The following IGSF11 variants were observed in gnomAD, a reference collection of about 807,000 sequenced individuals.
IGSF11 encodes the protein CXADR like 1.
A neutral mutation model predicts 41.0 loss-of-function variants in IGSF11; 22 were observed. The ratio of observed to expected loss-of-function variants is 0.54; its 90% confidence interval spans 0.38 to 0.77. The LOEUF is 0.77. Ranked by LOEUF, IGSF11 falls within the 30% of genes least tolerant of loss-of-function variation. The pLI, the probability that IGSF11 is intolerant of heterozygous loss-of-function variation, is 0.00. For synonymous variants in IGSF11, 219 were observed against 201.3 expected (o/e 1.09, Z -0.74); for missense variants, 444 against 530.8 (o/e 0.84, Z 1.61).
chr3:119,058,359 A>T (rs1208702764), intron 1 of IGSF11, among the ~76,000 whole-genome samples: 3 of 152,274 alleles, frequency 2.0e-5, no homozygotes, highest in African/African-American at 7.2e-5. Context: ...TGCAGCCAAA[A>T]GACACATGAA....
chr3:119,098,373 C>T (rs1278043075), intron 1 of IGSF11, among the ~76,000 whole-genome samples: 4 of 152,098 alleles, frequency 2.6e-5, no homozygotes, highest in African/African-American at 4.8e-5. Context: ...AAGCATTCAA[C>T]GCATGCTATG....
At chr3:119,136,844 A>C (rs774165911) in intron 1 of IGSF11, among the ~76,000 whole-genome samples, 2 of 152,044 alleles carry the variant, frequency 1.3e-5, no homozygotes, top group African/African-American at 2.4e-5. Context: ...GGACTCCACA[A>C]AAAAAAACTA....
intron 1 of IGSF11, 40 bp downstream of exon 1, chr3:119,034,491 G>A (rs1399311050): frequency 1.3e-6 from 2 of 1,512,260 alleles, no homozygotes; most frequent in East Asian, 2.6e-5. Flanking sequence ...CCGCCGACCC[G>A]GCCTGGCCCC....
At chr3:119,093,498 C>T (rs778760206) in intron 1 of IGSF11, among the ~76,000 whole-genome samples, 3 of 152,092 alleles carry the variant, frequency 2.0e-5, no homozygotes, top group African/African-American at 4.8e-5. Context: ...TACCCAGCCA[C>T]ATTTTAGGAC....
intron 1 of IGSF11, among the ~76,000 whole-genome samples, chr3:119,024,616 C>T (rs547456454): frequency 6.6e-6 from 1 of 152,250 alleles, no homozygotes; most frequent in East Asian, 1.9e-4. Context: ...TGTGCCCTAA[C>T]CATACTCCTC....
At chr3:118,913,715 T>C (rs1043844267) in intron 4 of IGSF11, among the ~76,000 whole-genome samples, 1 of 151,786 alleles carries the variant, frequency 6.6e-6, no homozygotes, top group Non-Finnish European at 1.5e-5. Context: ...AAAGAAGCAA[T>C]GGAGCAAAAA....
At chr3:118,966,882 C>A (rs1945721121) in intron 1 of IGSF11, among the ~76,000 whole-genome samples, 1 of 152,116 alleles carries the variant, frequency 6.6e-6, no homozygotes, top group Non-Finnish European at 1.5e-5. Flanking sequence ...CCCAGGACAT[C>A]TTTGGAATGC....
At chr3:118,922,920 A>T (rs953979699) in intron 4 of IGSF11, among the ~76,000 whole-genome samples, 2 of 152,076 alleles carry the variant, frequency 1.3e-5, no homozygotes, top group African/African-American at 4.8e-5. Flanking sequence ...ATAACTATAG[A>T]ACATGCTGGG....
chr3:118,914,195 G>C (rs964200666), intron 4 of IGSF11, among the ~76,000 whole-genome samples: 2 of 152,176 alleles, frequency 1.3e-5, no homozygotes, highest in African/African-American at 4.8e-5. Flanking sequence ...ATCAGTAGAA[G>C]ATATGGGAAG....
intron 1 of IGSF11, among the ~76,000 whole-genome samples, chr3:119,094,929 C>A (rs964185499): frequency 3.3e-5 from 5 of 152,000 alleles, no homozygotes. Context: ...GCCTCGGCCT[C>A]CCAAAGTGCT....
intron 1 of IGSF11, among the ~76,000 whole-genome samples, chr3:119,095,116 C>T (rs969426783): frequency 6.6e-6 from 1 of 152,110 alleles, no homozygotes; most frequent in Non-Finnish European, 1.5e-5. Context: ...AAAGTAAAAA[C>T]TCAAACAAAG....
intron 1 of IGSF11, among the ~76,000 whole-genome samples, chr3:119,025,312 T>C (rs1339795383): frequency 6.6e-6 from 1 of 152,164 alleles, no homozygotes; most frequent in Non-Finnish European, 1.5e-5. Context: ...TCTAATTCCC[T>C]CATTTTGCAA....
chr3:118,908,030 G>A (rs1048929924), intron 4 of IGSF11, among the ~76,000 whole-genome samples: 1 of 152,050 alleles, frequency 6.6e-6, no homozygotes, highest in Admixed American at 6.6e-5. Context: ...TGTGTTCCTG[G>A]GGTTTTTGTT....
intron 1 of IGSF11, among the ~76,000 whole-genome samples, chr3:119,031,338 T>C (rs1940380752): frequency 6.6e-6 from 1 of 152,162 alleles, no homozygotes; most frequent in Non-Finnish European, 1.5e-5. Context: ...TTTCTGAACT[T>C]TCTCCCAACT....
Position 118,950,709 on chromosome 3 carries a change from G to C in IGSF11, c.53-20434C>G, listed in dbSNP as rs886560079. Among the ~76,000 whole-genome samples, 5 of 152,160 alleles carry C rather than the reference G, an allele frequency of 3.3e-5. 1 individual carries two copies. The highest frequency in any genetic ancestry group is 1.9e-4 in the East Asian group (1 of 5,184). ...AAGTTAATAATAGGCAAAACTAAAA[G>C]TATGGTGTTAGAAGTCAAGACAGAA... On this transcript the variant is annotated intron_variant, in intron 1 of 6. Transcript: ENST00000393775.
chr3:118,951,666 G>T (rs982669122), intron 1 of IGSF11, among the ~76,000 whole-genome samples: 1 of 152,000 alleles, frequency 6.6e-6, no homozygotes, highest in African/African-American at 2.4e-5. Context: ...TATCGACTGG[G>T]ATTGGTTCCA....
intron 1 of IGSF11, among the ~76,000 whole-genome samples, chr3:118,970,646 CA>C (rs2107617256): frequency 6.8e-6 from 1 of 147,178 alleles, no homozygotes; most frequent in African/African-American, 2.5e-5. Context: ...AAAATAGCAG[CA>C]AAAAGGATAT....
At chr3:119,089,822 C>T (rs11927935) in intron 1 of IGSF11, among the ~76,000 whole-genome samples, 4,617 of 152,110 alleles carry the variant, frequency 0.03, 216 homozygotes, top group African/African-American at 0.11. Flanking sequence ...ATTGAGAGTT[C>T]GAGACCAGCC....
chr3:118,938,565 G>A (rs1943453897), intron 1 of IGSF11, among the ~76,000 whole-genome samples: 2 of 152,200 alleles, frequency 1.3e-5, no homozygotes, highest in South Asian at 4.1e-4. Flanking sequence ...TGTTATGATG[G>A]ACATGCTACT....
Sources: allele counts gnomAD v4.1 joint callset (sites outside exome capture counted in the v4.1 genomes callset), GRCh38; gene constraint gnomAD v4.1.1; transcripts MANE v1.5; gene names NCBI Gene and HGNC (gene_info 2026-07-23, HGNC 2026-07-21).